PDE8B: variants seen among roughly 807,000 people sequenced by gnomAD.
The protein encoded by PDE8B is high affinity cAMP-specific and IBMX-insensitive 3',5'-cyclic phosphodiesterase 8B.
PDE8B carries 26 observed loss-of-function variants against 101.3 expected under a neutral mutation model. That is an observed-to-expected ratio of 0.26 (90% CI 0.19 to 0.36). The LOEUF is 0.36. PDE8B is among the 10% of genes least tolerant of loss of function. The probability of loss-of-function intolerance (pLI) is 1.00; values close to 1 mark genes in which losing one functional copy is unlikely to be tolerated. For missense variants in PDE8B, 810 were observed against 1,163.1 expected (o/e 0.70, Z 4.42); for synonymous variants, 424 against 429.3 (o/e 0.99, Z 0.15).
chr5:77,097,728 T>C, the PDE8B span, among the ~76,000 whole-genome samples: 2 of 63,212 alleles, frequency 3.2e-5, no homozygotes, highest in Non-Finnish European at 8.0e-5. Context: ...TATATATATA[T>C]ATATACATAC....
the PDE8B span, among the ~76,000 whole-genome samples, chr5:77,109,927 G>GTTTTTTTTTTTTTTTTT: frequency 3.0e-5 from 2 of 67,234 alleles, no homozygotes; most frequent in African/African-American, 5.8e-5. Flanking sequence ...TTGTATTTCA[G>GTTTTTTTTTTTTTTTTT]TTTTTTTTTT....
chr5:77,361,900 G>T (rs1309758237), intron 10 of PDE8B, among the ~76,000 whole-genome samples: 2 of 152,086 alleles, frequency 1.3e-5, no homozygotes, highest in Non-Finnish European at 2.9e-5. Context: ...CCATAAATTG[G>T]CTGCTGATAC....
At chr5:77,299,623 T>G (rs1769453409) in intron 1 of PDE8B, among the ~76,000 whole-genome samples, 1 of 152,068 alleles carries the variant, frequency 6.6e-6, no homozygotes, top group African/African-American at 2.4e-5. Context: ...TATGGCTGCA[T>G]AGTATTCCAT....
intron 1 of PDE8B, chr5:77,290,537 C>T (rs1767063653): frequency 2.6e-5 from 38 of 1,477,278 alleles, no homozygotes; most frequent in Admixed American, 5.0e-5. Context: ...GACAGATTGA[C>T]GATGCCTTGT....
chr5:77,383,884 C>G (rs570437212), intron 10 of PDE8B, among the ~76,000 whole-genome samples: 26 of 152,186 alleles, frequency 1.7e-4, no homozygotes, highest in African/African-American at 6.0e-4. Context: ...GTTACTGTAG[C>G]CTTGTAGTAT....
the PDE8B span, among the ~76,000 whole-genome samples, chr5:77,194,124 C>A: frequency 4.5e-3 from 688 of 152,236 alleles, 2 homozygotes; most frequent in African/African-American, 0.016. Context: ...TCTTTTACTT[C>A]TTTTTCTTGC....
chr5:77,389,886 T>C (rs1363486164), intron 10 of PDE8B, among the ~76,000 whole-genome samples: 1 of 152,232 alleles, frequency 6.6e-6, no homozygotes, highest in Non-Finnish European at 1.5e-5. Context: ...TTTGGCTGCT[T>C]TGAACATTCT....
chr5:77,273,743 A>G (rs970426895), intron 1 of PDE8B, among the ~76,000 whole-genome samples: 2 of 152,218 alleles, frequency 1.3e-5, no homozygotes, highest in African/African-American at 4.8e-5. Context: ...ATAAAAAATA[A>G]AGTTTGATTT....
chr5:77,311,848 T>C (rs1396959822), intron 1 of PDE8B, 146 bp from the exon 2 acceptor site: 2 of 779,978 alleles, frequency 2.6e-6, no homozygotes, highest in African/African-American at 3.4e-5. Flanking sequence ...ATATACATCA[T>C]GCTTGGTAAC....
At chr5:77,223,277 A>G (rs1342311718) in intron 1 of PDE8B, among the ~76,000 whole-genome samples, 1 of 151,822 alleles carries the variant, frequency 6.6e-6, no homozygotes, top group Admixed American at 6.6e-5. Context: ...GTACATGTGC[A>G]CAATGTGCAG....
intron 1 of PDE8B, among the ~76,000 whole-genome samples, chr5:77,253,880 A>G (rs978429234): frequency 1.3e-5 from 2 of 151,982 alleles, no homozygotes; most frequent in Non-Finnish European, 2.9e-5. Context: ...AGACTGAACT[A>G]TAATGGATTT....
intron 1 of PDE8B, among the ~76,000 whole-genome samples, chr5:77,304,967 G>A (rs1358715749): frequency 6.6e-6 from 1 of 152,158 alleles, no homozygotes; most frequent in Admixed American, 6.5e-5. Context: ...CTGAGTCTTG[G>A]GTGGGTGTTG....
intron 1 of PDE8B, among the ~76,000 whole-genome samples, chr5:77,262,464 T>G (rs1250385679): frequency 6.6e-6 from 1 of 152,210 alleles, no homozygotes; most frequent in Non-Finnish European, 1.5e-5. Context: ...AAGAACTAAT[T>G]TGCTGGAGAC....
chr5:77,205,192 T>C, the PDE8B span, among the ~76,000 whole-genome samples: 153 of 152,312 alleles, frequency 1.0e-3, no homozygotes, highest in Admixed American at 1.8e-3. Context: ...AAGTCAGATG[T>C]TGGCTGACTC....
the PDE8B span, among the ~76,000 whole-genome samples, chr5:77,186,672 A>G: frequency 0.03 from 4,545 of 152,288 alleles, 242 homozygotes; most frequent in African/African-American, 0.1. Context: ...TGGAAGAGCT[A>G]TGAGTTGCCC....
intron 8 of PDE8B, among the ~76,000 whole-genome samples, chr5:77,350,404 C>T (rs1294081964): frequency 1.3e-5 from 2 of 151,886 alleles, no homozygotes. Context: ...AGGTGCATAC[C>T]AATTAGCCAC....
intron 1 of PDE8B, among the ~76,000 whole-genome samples, chr5:77,255,211 A>G (rs1400943721): frequency 6.6e-6 from 1 of 152,210 alleles, no homozygotes; most frequent in African/African-American, 2.4e-5. Context: ...TCTGTTCCCC[A>G]ACCAGGCTCT....
the PDE8B span, among the ~76,000 whole-genome samples, chr5:77,102,584 T>C: frequency 6.6e-6 from 1 of 152,334 alleles, no homozygotes; most frequent in East Asian, 1.9e-4. Flanking sequence ...TGAGAATTCT[T>C]GGATTCTGTG....
chr5:77,344,461 C>T (rs751885242), intron 6 of PDE8B, among the ~76,000 whole-genome samples: 7 of 152,204 alleles, frequency 4.6e-5, no homozygotes, highest in Non-Finnish European at 8.8e-5. Context: ...GCTGACAGTT[C>T]TGGAGGCTGA....
Sources: gnomAD v4.1 joint callset for allele counts (sites outside exome capture counted in the v4.1 genomes callset) on GRCh38, gnomAD v4.1.1 for gene constraint, MANE v1.5 for transcripts, NCBI Gene and HGNC (gene_info 2026-07-23, HGNC 2026-07-21) for gene names.